Variants in CFAP299 observed in about 807,000 individuals in gnomAD.
The protein encoded by CFAP299 is cilia and flagella associated protein 299.
A neutral mutation model predicts 27.0 loss-of-function variants in CFAP299; 21 were observed. The observed-to-expected ratio is 0.78, with a 90% confidence interval of 0.55 to 1.12. CFAP299 has a LOEUF of 1.12. Ranked by LOEUF, CFAP299 falls within the 50% of genes most tolerant of loss-of-function variation. The probability of loss-of-function intolerance (pLI) is 0.00; values close to 1 mark genes in which losing one functional copy is unlikely to be tolerated. For missense variants in CFAP299, 310 were observed against 276.6 expected (o/e 1.12, Z -0.86); for synonymous variants, 104 against 98.1 (o/e 1.06, Z -0.36).
intron 1 of CFAP299, among the ~76,000 whole-genome samples, chr4:80,352,687 A>G (rs546021566): frequency 1.3e-5 from 2 of 151,834 alleles, no homozygotes; most frequent in South Asian, 4.2e-4. Flanking sequence ...GTCTCAATAC[A>G]TTTAAAATAC....
intron 5 of CFAP299, among the ~76,000 whole-genome samples, chr4:80,950,221 A>T (rs2110235690): frequency 6.6e-6 from 1 of 151,626 alleles, no homozygotes; most frequent in African/African-American, 2.4e-5. Flanking sequence ...AGTGAGCTGG[A>T]TGGATGTCTG....
chr4:80,326,276 T>A, the CFAP299 span, among the ~76,000 whole-genome samples: 1 of 152,304 alleles, frequency 6.6e-6, no homozygotes, highest in African/African-American at 2.4e-5. Flanking sequence ...TGTATGTCTG[T>A]ATCCTATAAT....
At chr4:80,417,282 T>A (rs918774771) in intron 2 of CFAP299, among the ~76,000 whole-genome samples, 7 of 152,174 alleles carry the variant, frequency 4.6e-5, no homozygotes, top group African/African-American at 1.7e-4. Context: ...TTTGGTGGGT[T>A]TTAGCGGACT....
At chr4:80,856,449 T>A (rs1264530027) in intron 3 of CFAP299, among the ~76,000 whole-genome samples, 1 of 152,036 alleles carries the variant, frequency 6.6e-6, no homozygotes, top group African/African-American at 2.4e-5. Context: ...TGCCATTGCT[T>A]TTGGTATTTT....
intron 3 of CFAP299, among the ~76,000 whole-genome samples, chr4:80,866,395 T>C (rs1732749914): frequency 6.6e-6 from 1 of 152,060 alleles, no homozygotes; most frequent in South Asian, 2.1e-4. Context: ...CACATGAATG[T>C]AAGCTAAGCA....
chr4:80,614,324 G>A (rs1289392853), intron 3 of CFAP299, among the ~76,000 whole-genome samples: 1 of 152,208 alleles, frequency 6.6e-6, no homozygotes, highest in South Asian at 2.1e-4. Flanking sequence ...AGGTGAATTT[G>A]TGTGACTAAT....
intron 3 of CFAP299, among the ~76,000 whole-genome samples, chr4:80,821,603 C>T (rs536014300): frequency 6.6e-5 from 10 of 152,092 alleles, no homozygotes; most frequent in Non-Finnish European, 1.3e-4. Flanking sequence ...AAACAAGTAG[C>T]AATTTTAAAG....
chr4:80,425,805 A>G (rs183003692), intron 2 of CFAP299, among the ~76,000 whole-genome samples: 12 of 152,352 alleles, frequency 7.9e-5, no homozygotes, highest in Admixed American at 4.6e-4. Flanking sequence ...GGTGTTGCCA[A>G]TTAAGCCACC....
Position 80,799,618 on chromosome 4 carries a change from A to AT in CFAP299, c.334-70372dup, listed in dbSNP as rs1230414595. The stretch of plus-strand genomic sequence containing the variant: ...AAAATATATATTTTATATATTATAT[A>AT]TTTATAAATATATAATATATAAAAT... On this transcript the variant is annotated intron_variant, in intron 3 of 5. Coordinates refer to ENST00000358105, the MANE Select transcript of CFAP299 (RefSeq NM_152770.3). 9.6e-4 allele frequency among the ~76,000 whole-genome samples: 31 copies of AT among 32,394 alleles called. 1 individual carries two copies. The highest frequency in any genetic ancestry group is 3.8e-3 in the African/African-American group (31 of 8,084). 21.3% of individuals were successfully genotyped at this position (32,394 alleles called of 152,430 possible). A position where few individuals can be genotyped will look rare whatever the true frequency, so the allele number is the denominator to read the frequency against.
At chr4:80,633,115 A>G (rs1739294835) in intron 3 of CFAP299, among the ~76,000 whole-genome samples, 1 of 152,206 alleles carries the variant, frequency 6.6e-6, no homozygotes, top group Admixed American at 6.5e-5. Context: ...TGAGAAACAT[A>G]TACATCATAT....
chr4:80,529,321 A>G (rs1297326981), intron 2 of CFAP299, among the ~76,000 whole-genome samples: 4 of 152,144 alleles, frequency 2.6e-5, no homozygotes, highest in African/African-American at 9.7e-5. Flanking sequence ...TTAGTCATGT[A>G]AACAGCTTGA....
intron 2 of CFAP299, among the ~76,000 whole-genome samples, chr4:80,475,517 T>G (rs1367659919): frequency 6.6e-6 from 1 of 152,280 alleles, no homozygotes; most frequent in African/African-American, 2.4e-5. Context: ...CCTGAGCAAC[T>G]GGGTAAATTG....
At chr4:80,772,551 T>TG (rs555779191) in intron 3 of CFAP299, among the ~76,000 whole-genome samples, 305 of 152,084 alleles carry the variant, frequency 2.0e-3, no homozygotes, top group African/African-American at 7.1e-3. Context: ...AGGCACTATT[T>TG]TTTTTTTATT....
intron 3 of CFAP299, among the ~76,000 whole-genome samples, chr4:80,777,575 C>T (rs1254009777): frequency 6.6e-6 from 1 of 152,146 alleles, no homozygotes. Context: ...CTTCTTACTT[C>T]TACGCTCTTG....
At chr4:80,641,559 T>G (rs1739729149) in intron 3 of CFAP299, among the ~76,000 whole-genome samples, 1 of 152,190 alleles carries the variant, frequency 6.6e-6, no homozygotes, top group South Asian at 2.1e-4. Flanking sequence ...TTGCCCTACA[T>G]TTTGCCCTAT....
intron 3 of CFAP299, among the ~76,000 whole-genome samples, chr4:80,748,581 T>C (rs1033325430): frequency 6.6e-6 from 1 of 152,188 alleles, no homozygotes; most frequent in African/African-American, 2.4e-5. Context: ...TTTTATTGAA[T>C]TGATATATTG....
intron 3 of CFAP299, among the ~76,000 whole-genome samples, chr4:80,674,676 G>C (rs1056028096): frequency 1.3e-5 from 2 of 151,272 alleles, no homozygotes; most frequent in African/African-American, 4.9e-5. Context: ...ACGAAGATTT[G>C]GTCTTTTCAC....
intron 3 of CFAP299, among the ~76,000 whole-genome samples, chr4:80,663,942 A>C (rs963913566): frequency 1.3e-5 from 2 of 152,100 alleles, no homozygotes; most frequent in African/African-American, 4.8e-5. Context: ...TCTTTTGAGA[A>C]GTGTCTGTTC....
At chr4:80,585,115 A>C (rs1469968722) in intron 3 of CFAP299, among the ~76,000 whole-genome samples, 1 of 152,106 alleles carries the variant, frequency 6.6e-6, no homozygotes, top group African/African-American at 2.4e-5. Context: ...CTGCAAAATC[A>C]GATGAAGAGA....
Sources: allele counts gnomAD v4.1 joint callset (sites outside exome capture counted in the v4.1 genomes callset), GRCh38; gene constraint gnomAD v4.1.1; transcripts MANE v1.5; gene names NCBI Gene and HGNC (gene_info 2026-07-23, HGNC 2026-07-21).